RARRES2: variants seen among roughly 807,000 people sequenced by gnomAD.
RARRES2 encodes the protein retinoic acid receptor responder protein 2.
In RARRES2, 12 loss-of-function variants were observed where a neutral mutation model predicts 17.9. The ratio of observed to expected loss-of-function variants is 0.67; its 90% confidence interval spans 0.43 to 1.08. The LOEUF (loss-of-function observed/expected upper bound fraction) is 1.08. Ranked by LOEUF, RARRES2 falls within the 50% of genes least tolerant of loss-of-function variation. The probability of loss-of-function intolerance (pLI) is 0.00; values close to 1 mark genes in which losing one functional copy is unlikely to be tolerated. For missense variants in RARRES2, 220 were observed against 210.1 expected (o/e 1.05, Z -0.29); for synonymous variants, 82 against 86.8 (o/e 0.94, Z 0.31).
At chr7:150,339,119 A>C in intron 3 of RARRES2, 38 bp from the exon 4 acceptor site, 2 of 1,535,424 alleles carry the variant, frequency 1.3e-6, no homozygotes, top group South Asian at 2.2e-5. Context: ...AGCAGAGGAA[A>C]AGGGTGAGGG....
At chr7:150,338,519 C>A (rs1189350878) in intron 5 of RARRES2, 80 bp from the exon 6 acceptor site, 9 of 1,517,616 alleles carry the variant, frequency 5.9e-6, no homozygotes, top group Non-Finnish European at 8.0e-6. Context: ...AGGCTTCTGA[C>A]CTGTCCCCTC....
At chr7:150,338,570 G>A in intron 5 of RARRES2, 45 bp downstream of exon 5, 1 of 1,542,224 alleles carries the variant, frequency 6.5e-7, no homozygotes, top group Non-Finnish European at 8.8e-7. Flanking sequence ...AGCATTCCCA[G>A]GGCTGGCCTC....
rs753740724 is a variant in RARRES2, at chr7:150,339,046, G to A, written c.315C>T (p.Gly105=). 1.2e-6 allele frequency: 2 copies of A among 1,613,262 alleles called. No homozygotes were observed. Among genetic ancestry groups the A allele is most frequent in the African/African-American group, 2.7e-5 (2 of 74,880 alleles). ...ACCGGCCCAGAACTTTGTCCTCAGA[G>A]CCCAGTTTGATGCAGGCCAGGCATT... The part of the protein sequence containing the change: ...KRKCLACIKL[G]SEDKVLGRLV... Residue 105 remains glycine, a synonymous_variant, in exon 4 of 6, where the codon GGC becomes GGT. Coordinates refer to ENST00000223271, the MANE Select transcript of RARRES2 (RefSeq NM_002889.4).
chr7:150,339,116 GA>G, intron 3 of RARRES2, 35 bp from the exon 4 acceptor site: 1 of 1,540,700 alleles, frequency 6.5e-7, no homozygotes, highest in Non-Finnish European at 9.0e-7. Context: ...GTGAGCAGAG[GA>G]AAAGGGTGAG....
At chr7:150,340,241 C>G in intron 2 of RARRES2, 37 bp from the exon 3 acceptor site, 1 of 1,605,448 alleles carries the variant, frequency 6.2e-7, no homozygotes, top group Non-Finnish European at 8.5e-7. Context: ...TGGCCGGTAG[C>G]CAGCTGAGGG....
intron 3 of RARRES2, among the ~76,000 whole-genome samples, chr7:150,339,691 C>T (rs946172497): frequency 2.6e-5 from 4 of 152,050 alleles, no homozygotes; most frequent in African/African-American, 9.7e-5. Context: ...GCATCACCCC[C>T]ACGGTGGAAG....
chr7:150,338,343 T>C lies in RARRES2; in HGVS notation c.*107A>G, dbSNP rs766024057. On this transcript the variant is annotated 3_prime_UTR_variant, in exon 6 of 6. Coordinates refer to ENST00000223271, the MANE Select transcript of RARRES2 (RefSeq NM_002889.4). ...TGAGAGGCAGCTGGGAGAGCAGCTT[T>C]ATTATCATGGCTGGGGATAGAACGG... The C allele has an allele frequency of 9.9e-6, 14 of 1,416,284 alleles. No homozygotes were observed. Among genetic ancestry groups the C allele is most frequent in the South Asian group, 3.7e-5 (3 of 82,154 alleles). 87.7% of individuals were successfully genotyped at this position (1,416,284 alleles called of 1,614,324 possible).
rs749752401 is a variant in RARRES2 at position 150,339,090 on chromosome 7, G to T, written c.280-9C>A. 2.5e-6 allele frequency: 4 copies of T among 1,586,940 alleles called. No individual in the cohort carries two copies. Among genetic ancestry groups the T allele is most frequent in the Non-Finnish European group, 2.6e-6 (3 of 1,155,348 alleles). On this transcript the variant is annotated splice_polypyrimidine_tract_variant and intron_variant, in intron 3 of 5. Coordinates refer to ENST00000223271, the MANE Select transcript of RARRES2 (RefSeq NM_002889.4). Reference sequence around the variant, plus strand: ...AGGCATTTCCGTTTCCTCTGTGGGGGAGCGGGGAGCATGGGGTGAGCAGAG... The same window carrying T: ...AGGCATTTCCGTTTCCTCTGTGGGGTAGCGGGGAGCATGGGGTGAGCAGAG...
chr7:150,338,487 C>T (rs759132450), intron 5 of RARRES2, 48 bp from the exon 6 acceptor site: 2 of 1,521,114 alleles, frequency 1.3e-6, no homozygotes, highest in Non-Finnish European at 8.8e-7. Flanking sequence ...GTTGCTTCAG[C>T]CCCAGTCCCA....
intron 4 of RARRES2, 76 bp downstream of exon 4, chr7:150,338,910 G>A (rs567915896): frequency 6.5e-6 from 10 of 1,540,142 alleles, no homozygotes; most frequent in South Asian, 2.3e-5. Context: ...CTTTAGCCTC[G>A]AGACCAGCCC....
At position 150,338,653 on chromosome 7, in the gene RARRES2, G is replaced by A. The variant is rs1170282446; in HGVS notation, c.464C>T (p.Ala155Val). 12 of 1,555,108 alleles carry A rather than the reference G, an allele frequency of 7.7e-6. No homozygotes were observed. The highest frequency in any genetic ancestry group is 7.8e-6 in the Non-Finnish European group (9 of 1,148,834). ...PHSFYFPGQF[A>V]FSKALPRS ...GCTGCGGGGCAGGGCCTTGGAGAAGGCGAACTGTCCAGGGAAGTAGAAGCT... is the reference window on the plus strand; with the variant it reads ...GCTGCGGGGCAGGGCCTTGGAGAAGACGAACTGTCCAGGGAAGTAGAAGCT... The change falls in exon 5 of 6, where the codon GCC (alanine) becomes GTC (valine). Residue 155 changes from alanine (A) to valine (V), a missense_variant. Physicochemically the swap from Ala to Val is moderately conservative, Grantham distance 64. Coordinates refer to ENST00000223271, the MANE Select transcript of RARRES2 (RefSeq NM_002889.4).
chr7:150,340,247 G>A, intron 2 of RARRES2, 43 bp from the exon 3 acceptor site: 5 of 1,599,872 alleles, frequency 3.1e-6, no homozygotes, highest in Non-Finnish European at 4.3e-6. Context: ...GTAGCCAGCT[G>A]AGGGTGCAGA....
chr7:150,338,524 C>G, intron 5 of RARRES2, 85 bp from the exon 6 acceptor site: 1 of 1,517,942 alleles, frequency 6.6e-7, no homozygotes, highest in South Asian at 1.3e-5. Context: ...TCTGACCTGT[C>G]CCCTCCCAGG....
chr7:150,339,165 C>T (rs1798416842), intron 3 of RARRES2, 84 bp from the exon 4 acceptor site: 6 of 1,316,574 alleles, frequency 4.6e-6, no homozygotes, highest in Non-Finnish European at 6.5e-6. Flanking sequence ...GCCAGGGCTG[C>T]CCATCATGGG....
At chr7:150,338,875 C>T (rs1798405120) in intron 4 of RARRES2, 111 bp downstream of exon 4, 1 of 1,542,920 alleles carries the variant, frequency 6.5e-7, no homozygotes, top group Admixed American at 1.7e-5. Flanking sequence ...CTAGCCCCCA[C>T]TGCCCTCCCT....
intron 1 of RARRES2, chr7:150,340,861 T>C (rs1798471741): frequency 2.3e-6 from 1 of 435,176 alleles, no homozygotes; most frequent in Non-Finnish European, 4.0e-6. Flanking sequence ...CCTGCAGTTT[T>C]AGCAAAGTTC....
In RARRES2 at chr7:150,340,584, G is replaced by A. The variant is rs201058576; in HGVS notation, c.26C>T (p.Ala9Val). Residue 9 changes from alanine (A) to valine (V), a missense_variant, in exon 2 of 6, where the codon GCC becomes GTC. Ala to Val is a moderately conservative substitution (Grantham distance 64, BLOSUM62 0). Coordinates refer to ENST00000223271, the MANE Select transcript of RARRES2 (RefSeq NM_002889.4). MRRLLIPL[A>V]LWLGAVGVGV... Reference sequence around the variant, plus strand: ...CACGCCCACCGCACCCAGCCACAGGGCCAGAGGGATCAGCAGCCGTCGCAT... The same window carrying A: ...CACGCCCACCGCACCCAGCCACAGGACCAGAGGGATCAGCAGCCGTCGCAT... The A allele has an allele frequency of 1.6e-4, 255 of 1,548,290 alleles. No individual in the cohort carries two copies. In the African/African-American group the frequency reaches 3.1e-3, roughly 19 times the overall value.
intron 1 of RARRES2, chr7:150,340,881 G>C: frequency 2.5e-6 from 1 of 398,924 alleles, no homozygotes; most frequent in Non-Finnish European, 4.4e-6. Flanking sequence ...CCCTGCCCAC[G>C]CTAGGAATCA....
At chr7:150,340,402 C>T (rs1333411408) in intron 2 of RARRES2, 34 bp downstream of exon 2, 1 of 1,569,006 alleles carries the variant, frequency 6.4e-7, no homozygotes, top group African/African-American at 1.4e-5. Flanking sequence ...TGGGGTACGA[C>T]CCTCCCCGCT....
Sources: allele counts gnomAD v4.1 joint callset (sites outside exome capture counted in the v4.1 genomes callset), GRCh38; gene constraint gnomAD v4.1.1; transcripts MANE v1.5; gene names NCBI Gene and HGNC (gene_info 2026-07-23, HGNC 2026-07-21).